The following LRPPRC variants were observed in gnomAD, a reference collection of about 807,000 sequenced individuals.
The protein encoded by LRPPRC is leucine-rich PPR motif-containing protein, mitochondrial.
A neutral mutation model predicts 180.3 loss-of-function variants in LRPPRC; 120 were observed. The observed-to-expected ratio is 0.67, with a 90% CI of 0.57 to 0.77. The LOEUF (loss-of-function observed/expected upper bound fraction) is 0.77, where lower values mean the gene tolerates loss of function less well. LRPPRC is among the 30% of genes least tolerant of loss of function. The pLI, the probability that LRPPRC is intolerant of heterozygous loss-of-function variation, is 0.00. For missense variants in LRPPRC, 2,012 were observed against 1,657.2 expected (o/e 1.21, Z -3.72); for synonymous variants, 723 against 600.0 (o/e 1.21, Z -3.00).
Position 43,977,296 on chromosome 2 carries a change from T to C in LRPPRC, c.470-20A>G, listed in dbSNP as rs201123932. ...CAGCACCTACAAATGAAATTTAAAA[T>C]GAATTTTTAGAAAAGCATTGAAAAT... On this transcript the variant is annotated intron_variant, in intron 3 of 37. Transcript: ENST00000260665. 579 of 1,589,968 alleles carry C rather than the reference T, an allele frequency of 3.6e-4. 6 individuals carry two copies. The African/African-American group carries it at 6.8e-3, about 19-fold the overall frequency.
intron 35 of LRPPRC, among the ~76,000 whole-genome samples, chr2:43,895,307 T>C (rs1670640567): frequency 6.6e-6 from 1 of 152,234 alleles, no homozygotes; most frequent in African/African-American, 2.4e-5. Context: ...GGAACACTGT[T>C]AACAGGCATC....
At chr2:43,923,352 T>C (rs1671764409) in intron 27 of LRPPRC, among the ~76,000 whole-genome samples, 1 of 151,684 alleles carries the variant, frequency 6.6e-6, no homozygotes, top group African/African-American at 2.4e-5. Flanking sequence ...ATTAGCAAGG[T>C]GTGGTGGCAC....
chr2:43,896,657 T>C lies in LRPPRC; in HGVS notation c.3877A>G (p.Arg1293Gly). 3.1e-6 allele frequency: 5 copies of C among 1,611,532 alleles called. No homozygotes were observed. The highest frequency in any genetic ancestry group is 4.2e-6 in the Non-Finnish European group (5 of 1,177,744). ...QTPILLLFLL[R>G]NSRKQGKAST... Reference sequence around the variant, plus strand: ...ACCTTTCCTTGTTTCCTAGAATTCCTAAGGAGGAACAACAACAAAATCGGG... The same window carrying C: ...ACCTTTCCTTGTTTCCTAGAATTCCCAAGGAGGAACAACAACAAAATCGGG... Residue 1293 changes from arginine (R) to glycine (G), a missense_variant, in exon 35 of 38, where the codon AGG (arginine) becomes GGG (glycine). Coordinates refer to ENST00000260665, the MANE Select transcript of LRPPRC (RefSeq NM_133259.4).
At chr2:43,906,699 G>A (rs902656158) in intron 30 of LRPPRC, among the ~76,000 whole-genome samples, 2 of 152,278 alleles carry the variant, frequency 1.3e-5, no homozygotes, top group East Asian at 1.9e-4. Context: ...TGCCAACACG[G>A]ACATATAAGC....
At chr2:43,993,669 G>C (rs1376711588) in intron 1 of LRPPRC, among the ~76,000 whole-genome samples, 1 of 151,892 alleles carries the variant, frequency 6.6e-6, no homozygotes, top group African/African-American at 2.4e-5. Flanking sequence ...TTTATTGCCT[G>C]CTGTCACCTG....
intron 1 of LRPPRC, among the ~76,000 whole-genome samples, chr2:43,991,606 T>C (rs1674785172): frequency 6.6e-6 from 1 of 152,220 alleles, no homozygotes; most frequent in Non-Finnish European, 1.5e-5. Flanking sequence ...AAGGAAAATG[T>C]ATGTGACAAA....
chr2:43,890,756 G>A (rs1359930391), intron 36 of LRPPRC, among the ~76,000 whole-genome samples: 1 of 152,148 alleles, frequency 6.6e-6, no homozygotes, highest in East Asian at 1.9e-4. Context: ...ACATTAACAA[G>A]TTACACTAGT....
intron 14 of LRPPRC, among the ~76,000 whole-genome samples, chr2:43,950,985 G>T (rs1035288708): frequency 6.6e-6 from 1 of 152,210 alleles, no homozygotes; most frequent in African/African-American, 2.4e-5. Context: ...CAGGAGAATT[G>T]CCTGAACCCG....
At chr2:43,970,173 G>A (rs770015125) in intron 11 of LRPPRC, among the ~76,000 whole-genome samples, 1 of 152,088 alleles carries the variant, frequency 6.6e-6, no homozygotes, top group Non-Finnish European at 1.5e-5. Flanking sequence ...CCTCAAATAT[G>A]TTTCATTCTC....
intron 12 of LRPPRC, among the ~76,000 whole-genome samples, chr2:43,963,088 G>A (rs1673414856): frequency 6.6e-6 from 1 of 152,078 alleles, no homozygotes; most frequent in African/African-American, 2.4e-5. Context: ...TTGTCTTTTT[G>A]AGTTTTGAAA....
In LRPPRC at chr2:43,918,287, C is replaced by G. The variant is rs1327576492; in HGVS notation, c.3008G>C (p.Gly1003Ala). Residue 1003 changes from glycine to alanine, a missense_variant, in exon 28 of 38, where the codon GGT becomes GCT. By Grantham distance (60) the Gly-to-Ala change is moderately conservative. Transcript: ENST00000260665. ...TACGTCAAACGGAACTTCCTGGTTA[C>G]CCTCTCTAAGGATTTCTGCTAATAA... is the stretch of plus-strand genomic sequence containing the variant. ...LRLLAEILREGNQEVPFDVPE... is the reference protein window; with the variant it reads ...LRLLAEILREANQEVPFDVPE... 1 of 1,612,812 alleles carries G rather than the reference C, an allele frequency of 6.2e-7. No homozygotes were observed. The highest frequency in any genetic ancestry group is 1.3e-5 in the African/African-American group (1 of 74,876).
Position 43,934,770 on chromosome 2 carries a change from A to G in LRPPRC, c.2613T>C (p.Thr871=), listed in dbSNP as rs754585745. The G allele has an allele frequency of 1.2e-6, 2 of 1,612,834 alleles. No individual in the cohort carries two copies. The highest frequency in any genetic ancestry group is 2.7e-5 in the African/African-American group (2 of 74,910). ...VLCKLVEKGE[T]DLIQKAMDFV... The stretch of plus-strand genomic sequence containing the variant: ...GTGACTCACCTTTCTGAATTAGATC[A>G]GTCTCGCCTTTCTCTACCAGTTTAC... Residue 871 remains threonine, a synonymous_variant, in exon 24 of 38, where the codon ACT becomes ACC. Coordinates refer to ENST00000260665, the MANE Select transcript of LRPPRC (RefSeq NM_133259.4).
intron 30 of LRPPRC, among the ~76,000 whole-genome samples, chr2:43,907,963 G>A (rs984139701): frequency 6.6e-6 from 1 of 152,200 alleles, no homozygotes; most frequent in East Asian, 1.9e-4. Flanking sequence ...AAAAATATAG[G>A]CATGAGAAGT....
In LRPPRC at chr2:43,976,977, T is replaced by C; in HGVS notation, c.650+17A>G. 1.2e-6 allele frequency: 2 copies of C among 1,606,454 alleles called. No individual in the cohort carries two copies. Among genetic ancestry groups the C allele is most frequent in the South Asian group, 1.1e-5 (1 of 90,884 alleles). On this transcript the variant is annotated intron_variant, in intron 5 of 37. Coordinates refer to ENST00000260665, the MANE Select transcript of LRPPRC (RefSeq NM_133259.4). ...GTACAAATTTGTTCGCTTAAACATG[T>C]TCATACAGATCCATACCTGGCACCT...
At position 43,948,458 on chromosome 2, in the gene LRPPRC, G is replaced by A; in HGVS notation, c.1796C>T (p.Ala599Val). The change falls in exon 17 of 38, where the codon GCC becomes GTC. Residue 599 changes from alanine (A) to valine (V), a missense_variant. Coordinates refer to ENST00000260665, the MANE Select transcript of LRPPRC (RefSeq NM_133259.4). ...GTATTGTCTCAAATGCTCCTCCTTG[G>A]CCTGTACCTCTGAGTCACTCATGCT... ...IDSMSDSEVQ[A>V]KEEHLRQYFH... 1 of 1,613,186 alleles carries A rather than the reference G, an allele frequency of 6.2e-7. No individual in the cohort carries two copies. The highest frequency in any genetic ancestry group is 1.1e-5 in the South Asian group (1 of 91,056).
At chr2:43,915,381 C>T (rs1172144159) in intron 29 of LRPPRC, among the ~76,000 whole-genome samples, 1 of 151,600 alleles carries the variant, frequency 6.6e-6, no homozygotes, top group African/African-American at 2.4e-5. Flanking sequence ...GAATATGCAG[C>T]AAAGGAAAAT....
intron 30 of LRPPRC, among the ~76,000 whole-genome samples, chr2:43,907,129 T>C (rs1274100586): frequency 6.6e-6 from 1 of 152,236 alleles, no homozygotes; most frequent in Non-Finnish European, 1.5e-5. Context: ...CAACAAAACT[T>C]GTCTTTGACA....
intron 29 of LRPPRC, among the ~76,000 whole-genome samples, chr2:43,915,879 C>T (rs1206799131): frequency 1.3e-5 from 2 of 152,162 alleles, no homozygotes; most frequent in Non-Finnish European, 2.9e-5. Flanking sequence ...GATCCTCTCA[C>T]CTCAACCTCC....
Position 43,948,121 on chromosome 2 carries a change from C to T in LRPPRC, c.1920+1G>A, listed in dbSNP as rs863224055. ...CCAGTTGATTGCTATTTCACACACA[C>T]CTTAATCAATTCAGGAACATGGTAG... is the stretch of plus-strand genomic sequence containing the variant. On this transcript the variant is annotated splice_donor_variant, in intron 18 of 37. Coordinates refer to ENST00000260665, the MANE Select transcript of LRPPRC (RefSeq NM_133259.4). LOFTEE classifies it high-confidence loss of function. The T allele has an allele frequency of 1.3e-6, 2 of 1,569,500 alleles. No homozygotes were observed. Among genetic ancestry groups the T allele is most frequent in the South Asian group, 1.1e-5 (1 of 90,156 alleles).
Sources: gnomAD v4.1 joint callset for allele counts (sites outside exome capture counted in the v4.1 genomes callset) on GRCh38, gnomAD v4.1.1 for gene constraint, MANE v1.5 for transcripts, NCBI Gene and HGNC (gene_info 2026-07-23, HGNC 2026-07-21) for gene names.